Variants in DR1 observed in about 807,000 individuals in gnomAD.
DR1 encodes the protein protein Dr1.
In DR1, 7 loss-of-function variants were observed where a neutral mutation model predicts 19.9. That is an observed-to-expected ratio of 0.35 (90% CI 0.20 to 0.66). The LOEUF (loss-of-function observed/expected upper bound fraction) is 0.66. Ranked by LOEUF, DR1 falls within the 30% of genes least tolerant of loss-of-function variation. DR1 has a pLI of 0.66. For synonymous variants in DR1, 76 were observed against 72.5 expected (o/e 1.05, Z -0.24); for missense variants, 98 against 203.7 (o/e 0.48, Z 3.16).
At position 93,363,847 on chromosome 1, in the gene DR1, TC is replaced by T. The variant is rs1667088743; in HGVS notation, c.*3210del. 2 of 152,368 alleles carry T rather than the reference TC, an allele frequency of 1.3e-5. No individual in the cohort carries two copies. Among genetic ancestry groups the T allele is most frequent in the African/African-American group, 4.8e-5 (2 of 41,598 alleles). 9.4% of individuals were successfully genotyped at this position (152,368 alleles called of 1,614,324 possible). Reference sequence around the variant, plus strand: ...ATTCATTCTCATTGCTGTATAGTCTTCCGTTTGTTTATCCATTTTTCATTAC... The same window carrying T: ...ATTCATTCTCATTGCTGTATAGTCTTCGTTTGTTTATCCATTTTTCATTAC... On this transcript the variant is annotated 3_prime_UTR_variant, in exon 3 of 3. Transcript: ENST00000370272.
intron 2 of DR1, among the ~76,000 whole-genome samples, chr1:93,358,926 G>T (rs1667023725): frequency 6.6e-6 from 1 of 152,146 alleles, no homozygotes; most frequent in South Asian, 2.1e-4. Context: ...TCAGTAAGTG[G>T]CAGGAAATTT....
intron 1 of DR1, among the ~76,000 whole-genome samples, chr1:93,348,607 A>G (rs1666881383): frequency 6.6e-6 from 1 of 152,116 alleles, no homozygotes; most frequent in Non-Finnish European, 1.5e-5. Flanking sequence ...AGCAAGCAGT[A>G]TGCTAAATAA....
chr1:93,346,596 C>T lies in DR1; in HGVS notation c.-50C>T, dbSNP rs745706863. On this transcript the variant is annotated 5_prime_UTR_variant, in exon 1 of 3. Coordinates refer to ENST00000370272, the MANE Select transcript of DR1 (RefSeq NM_001938.3). The stretch of plus-strand genomic sequence containing the variant: ...GAGAAATCTCGGTGGAGTAGTGGAC[C>T]AGAGCTGGGGAGTTTTTAAAAGCCG... The T allele has an allele frequency of 6.7e-7, 1 of 1,498,436 alleles. No individual in the cohort carries two copies. The highest frequency in any genetic ancestry group is 1.7e-5 in the Admixed American group (1 of 59,146). The allele number at this position is 1,498,436 out of a possible 1,614,324, so 92.8% of individuals were successfully genotyped here. A position where few individuals can be genotyped will look rare whatever the true frequency, so the allele number is the denominator to read the frequency against.
intron 2 of DR1, among the ~76,000 whole-genome samples, chr1:93,359,587 AACAG>A (rs1019443216): frequency 9.2e-5 from 14 of 152,320 alleles, no homozygotes; most frequent in African/African-American, 3.4e-4. Context: ...CAATTCCAAG[AACAG>A]ACAGAGAAGG....
At chr1:93,348,111 G>A (rs1183064668) in intron 1 of DR1, among the ~76,000 whole-genome samples, 2 of 151,644 alleles carry the variant, frequency 1.3e-5, no homozygotes, top group Non-Finnish European at 2.9e-5. Context: ...CCTTTATGAC[G>A]TCTTGAAAGT....
intron 2 of DR1, among the ~76,000 whole-genome samples, chr1:93,357,429 C>T (rs574058808): frequency 6.6e-6 from 1 of 152,138 alleles, no homozygotes; most frequent in Non-Finnish European, 1.5e-5. Context: ...TCCCTTGAGG[C>T]TAGGAGTTCA....
chr1:93,358,150 A>G (rs1239642237), intron 2 of DR1, among the ~76,000 whole-genome samples: 2 of 152,164 alleles, frequency 1.3e-5, no homozygotes, highest in African/African-American at 2.4e-5. Context: ...AGAGAAAGAA[A>G]TCCCAAGTAT....
intron 1 of DR1, among the ~76,000 whole-genome samples, chr1:93,348,431 A>G (rs908927626): frequency 6.6e-6 from 1 of 152,134 alleles, no homozygotes; most frequent in African/African-American, 2.4e-5. Flanking sequence ...TGAAAATTGC[A>G]AAAGATTTCA....
At position 93,346,603 on chromosome 1, in the gene DR1, G is replaced by A. The variant is rs1384423274; in HGVS notation, c.-43G>A. The stretch of plus-strand genomic sequence containing the variant: ...CTCGGTGGAGTAGTGGACCAGAGCT[G>A]GGGAGTTTTTAAAAGCCGGGGCGCG... On this transcript the variant is annotated 5_prime_UTR_variant, in exon 1 of 3. Transcript: ENST00000370272. 4.6e-6 allele frequency: 7 copies of A among 1,533,970 alleles called. No individual in the cohort carries two copies. Among genetic ancestry groups the A allele is most frequent in the South Asian group, 1.1e-5 (1 of 89,058 alleles).
chr1:93,346,169 G>C lies in DR1; in HGVS notation c.-477G>C, dbSNP rs947218815. ...TGAAGGATGGTTTGGCCGAGGCGGC[G>C]GCAACGGCTGCTGGCGGCGGCGGCA... On this transcript the variant is annotated 5_prime_UTR_variant, in exon 1 of 3. Coordinates refer to ENST00000370272, the MANE Select transcript of DR1 (RefSeq NM_001938.3). The C allele has an allele frequency of 8.9e-6, 2 of 225,788 alleles. No individual in the cohort carries two copies. Among genetic ancestry groups the C allele is most frequent in the Non-Finnish European group, 1.8e-5 (2 of 114,184 alleles). The allele number at this position is 225,788 out of a possible 1,614,324, so 14.0% of individuals were successfully genotyped here.
In DR1 at chr1:93,362,321, A is replaced by G. The variant is rs1461032042; in HGVS notation, c.*1682A>G. The G allele has an allele frequency of 2.0e-5, 3 of 152,498 alleles. No homozygotes were observed. The highest frequency in any genetic ancestry group is 4.4e-5 in the Non-Finnish European group (3 of 67,914). The allele number at this position is 152,498 out of a possible 1,614,324, so 9.4% of individuals were successfully genotyped here. On this transcript the variant is annotated 3_prime_UTR_variant, in exon 3 of 3. Coordinates refer to ENST00000370272, the MANE Select transcript of DR1 (RefSeq NM_001938.3). ...AAAGTTTAAGTACCAAAGGTAGTCT[A>G]GTCTAGAACGATAAGTTAATACGTG...
At chr1:93,353,599 C>CTTTTT (rs1397302646) in intron 1 of DR1, among the ~76,000 whole-genome samples, 1 of 151,972 alleles carries the variant, frequency 6.6e-6, no homozygotes, top group Admixed American at 6.6e-5. Context: ...TTATAATGGG[C>CTTTTT]TTTTTTTTCT....
intron 2 of DR1, among the ~76,000 whole-genome samples, chr1:93,358,555 C>T (rs1213425630): frequency 6.6e-6 from 1 of 152,048 alleles, no homozygotes; most frequent in Non-Finnish European, 1.5e-5. Flanking sequence ...CCTTGGGGCC[C>T]TCCTCCAAGC....
Position 93,362,085 on chromosome 1 carries a change from G to A in DR1, c.*1446G>A, listed in dbSNP as rs1667061243. Reference sequence around the variant, plus strand: ...CCAGGATTCCAATTTTAATTGGAGAGCTAAGTAAGTAAAGTTTTATAACTG... The same window carrying A: ...CCAGGATTCCAATTTTAATTGGAGAACTAAGTAAGTAAAGTTTTATAACTG... On this transcript the variant is annotated 3_prime_UTR_variant, in exon 3 of 3. Transcript: ENST00000370272. The A allele has an allele frequency of 6.6e-6, 1 of 152,414 alleles. No homozygotes were observed. Among genetic ancestry groups the A allele is most frequent in the African/African-American group, 2.4e-5 (1 of 41,434 alleles). 9.4% of individuals were successfully genotyped at this position (152,414 alleles called of 1,614,324 possible).
chr1:93,346,398 G>T lies in DR1; in HGVS notation c.-248G>T. 1.9e-6 allele frequency: 1 copy of T among 517,578 alleles called. No individual in the cohort carries two copies. The highest frequency in any genetic ancestry group is 3.5e-6 in the Non-Finnish European group (1 of 285,986). 32.1% of individuals were successfully genotyped at this position (517,578 alleles called of 1,614,324 possible). On this transcript the variant is annotated 5_prime_UTR_variant, in exon 1 of 3. Transcript: ENST00000370272. ...GGACCACCGCGCTTTCCCCTCCTCA[G>T]CCTGGGCTGTGCTCTCTCTAGAATC...
In DR1 at chr1:93,366,575, A is replaced by G. The variant is rs1667133563; in HGVS notation, c.*5936A>G. Reference sequence around the variant, plus strand: ...TTTTACCATAGGTGAACTGATATAAATAAGAGTTAAGTCCCTATGGCATAT... The same window carrying G: ...TTTTACCATAGGTGAACTGATATAAGTAAGAGTTAAGTCCCTATGGCATAT... On this transcript the variant is annotated 3_prime_UTR_variant, in exon 3 of 3. Coordinates refer to ENST00000370272, the MANE Select transcript of DR1 (RefSeq NM_001938.3). 6.6e-6 allele frequency: 1 copy of G among 152,234 alleles called. No individual in the cohort carries two copies. The highest frequency in any genetic ancestry group is 2.1e-4 in the South Asian group (1 of 4,830). The allele number at this position is 152,234 out of a possible 1,614,324, so 9.4% of individuals were successfully genotyped here.
At position 93,368,064 on chromosome 1, in the gene DR1, A is replaced by G. The variant is rs1244499670; in HGVS notation, c.*7425A>G. ...TAGTTGAGGACCTGCTGTATGTGAT[A>G]TGAACAATGAGGATCAACTCTTTTT... On this transcript the variant is annotated 3_prime_UTR_variant, in exon 3 of 3. Coordinates refer to ENST00000370272, the MANE Select transcript of DR1 (RefSeq NM_001938.3). 3 of 152,228 alleles carry G rather than the reference A, an allele frequency of 2.0e-5. No individual in the cohort carries two copies. Among genetic ancestry groups the G allele is most frequent in the African/African-American group, 7.2e-5 (3 of 41,456 alleles). 9.4% of individuals were successfully genotyped at this position (152,228 alleles called of 1,614,324 possible).
intron 2 of DR1, among the ~76,000 whole-genome samples, chr1:93,358,367 G>C (rs1259475516): frequency 6.6e-6 from 1 of 152,126 alleles, no homozygotes; most frequent in South Asian, 2.1e-4. Flanking sequence ...GGAAGAGAAA[G>C]GGTTTTCTCT....
At chr1:93,353,866 GT>G in intron 1 of DR1, 41 bp from the exon 2 acceptor site, 1 of 1,526,092 alleles carries the variant, frequency 6.6e-7, no homozygotes, top group Non-Finnish European at 8.8e-7. Context: ...GGAAAGCTGT[GT>G]TTTATCACCC....
Sources: gnomAD v4.1 joint callset for allele counts (sites outside exome capture counted in the v4.1 genomes callset) on GRCh38, gnomAD v4.1.1 for gene constraint, MANE v1.5 for transcripts, NCBI Gene and HGNC (gene_info 2026-07-23, HGNC 2026-07-21) for gene names.